Variants in TRPC1 observed in about 807,000 individuals in gnomAD.
TRPC1 encodes transient receptor potential cation channel subfamily C member 1.
Under a neutral mutation model 88.2 loss-of-function variants are expected in TRPC1, and 42 were observed. The observed-to-expected ratio is 0.48, with a 90% CI of 0.37 to 0.62. TRPC1 has a LOEUF of 0.62. Ranked by LOEUF, TRPC1 falls within the 20% of genes least tolerant of loss-of-function variation. The pLI, the probability that TRPC1 is intolerant of heterozygous loss-of-function variation, is 0.00. For synonymous variants in TRPC1, 288 were observed against 331.8 expected (o/e 0.87, Z 1.43); for missense variants, 699 against 957.3 (o/e 0.73, Z 3.56).
Position 142,724,380 on chromosome 3 carries a change from G to C in TRPC1, c.-180G>C. 2.0e-6 allele frequency: 1 copy of C among 489,614 alleles called. No homozygotes were observed. The highest frequency in any genetic ancestry group is 3.4e-6 in the Non-Finnish European group (1 of 292,388). The allele number at this position is 489,614 out of a possible 1,614,324, so 30.3% of individuals were successfully genotyped here. On this transcript the variant is annotated 5_prime_UTR_variant, in exon 1 of 13. Transcript: ENST00000476941. This position sits in a 1 kb window ranked among gnomAD's most constrained non-coding sequence, Gnocchi z 5.6. ...CACCAACTTGGGGCTGTCAGTGGAG[G>C]GCGAGTGCTGGTTCTCAGGGGAGGC...
chr3:142,760,064 G>A (rs956424248), intron 4 of TRPC1, among the ~76,000 whole-genome samples: 3 of 152,052 alleles, frequency 2.0e-5, no homozygotes, highest in African/African-American at 7.3e-5. Flanking sequence ...CTGACCTCAT[G>A]ATCCACCCAC....
intron 3 of TRPC1, 83 bp from the exon 4 acceptor site, chr3:142,748,175 A>G (rs982353364): frequency 1.6e-6 from 2 of 1,253,598 alleles, no homozygotes; most frequent in Non-Finnish European, 2.2e-6. Context: ...GTGCCTTCCT[A>G]TTTTTTCATT....
At chr3:142,735,852 TCC>T (rs1934114243) in intron 1 of TRPC1, among the ~76,000 whole-genome samples, 1 of 152,124 alleles carries the variant, frequency 6.6e-6, no homozygotes, top group Admixed American at 6.6e-5. Context: ...ACTATACATA[TCC>T]TTGAATATAT....
At chr3:142,797,172 G>A (rs1179995192) in intron 9 of TRPC1, among the ~76,000 whole-genome samples, 7 of 143,754 alleles carry the variant, frequency 4.9e-5, no homozygotes, top group Non-Finnish European at 9.2e-5. Context: ...TGGAAAAAAG[G>A]TTGTTTTTTT....
intron 1 of TRPC1, among the ~76,000 whole-genome samples, chr3:142,728,629 G>A (rs1933777666): frequency 6.6e-6 from 1 of 152,110 alleles, no homozygotes; most frequent in South Asian, 2.1e-4. Context: ...CCTGATGACT[G>A]ACTTTCTCCA....
chr3:142,794,483 T>C (rs1936395375), intron 9 of TRPC1, among the ~76,000 whole-genome samples: 1 of 152,068 alleles, frequency 6.6e-6, no homozygotes, highest in Non-Finnish European at 1.5e-5. Context: ...AAACAACAGC[T>C]TATAAGAAAC....
chr3:142,775,397 T>A (rs1935733687), intron 4 of TRPC1, among the ~76,000 whole-genome samples: 1 of 152,130 alleles, frequency 6.6e-6, no homozygotes, highest in East Asian at 1.9e-4. Context: ...GGTGGGTGGA[T>A]CACTTGAGCC....
At chr3:142,784,436 T>C (rs60294656) in intron 6 of TRPC1, among the ~76,000 whole-genome samples, 46,809 of 151,900 alleles carry the variant, frequency 0.31, 9,128 homozygotes, top group African/African-American at 0.57. Flanking sequence ...ATGGGGAAGT[T>C]GAGGCTTAGA....
intron 7 of TRPC1, among the ~76,000 whole-genome samples, chr3:142,786,525 T>G (rs1936138047): frequency 6.6e-6 from 1 of 152,164 alleles, no homozygotes; most frequent in South Asian, 2.1e-4. Context: ...AATAATTCCT[T>G]CTTGTTAATA....
intron 2 of TRPC1, among the ~76,000 whole-genome samples, chr3:142,740,442 T>C (rs1305721110): frequency 6.6e-6 from 1 of 152,206 alleles, no homozygotes; most frequent in Non-Finnish European, 1.5e-5. Context: ...GCTAAAGAGA[T>C]ACAGTAAGCT....
At chr3:142,736,636 CCTTTCTTTTT>C in intron 2 of TRPC1, 103 bp downstream of exon 2, 1 of 1,081,626 alleles carries the variant, frequency 9.2e-7, no homozygotes, top group Non-Finnish European at 1.3e-6. Flanking sequence ...TCCTCTTCTT[CCTTTCTTTTT>C]CTTTCTTTGT....
chr3:142,775,576 G>A (rs912112980), intron 4 of TRPC1, among the ~76,000 whole-genome samples: 3 of 152,014 alleles, frequency 2.0e-5, no homozygotes, highest in South Asian at 2.1e-4. Context: ...CAAAAGTTGC[G>A]CTGCTGCACT....
intron 6 of TRPC1, among the ~76,000 whole-genome samples, chr3:142,782,701 G>A (rs1400896188): frequency 6.6e-6 from 1 of 152,060 alleles, no homozygotes; most frequent in East Asian, 2.0e-4. Flanking sequence ...GGAACAGGGT[G>A]CTCAGATGGG....
chr3:142,747,717 T>C (rs7643289), intron 3 of TRPC1, among the ~76,000 whole-genome samples: 1,846 of 152,340 alleles, frequency 0.012, 50 homozygotes, highest in East Asian at 0.089. Flanking sequence ...TAGGAAGTAG[T>C]ATATGTAATG....
At chr3:142,804,746 T>C in intron 12 of TRPC1, 116 bp downstream of exon 12, 1 of 859,530 alleles carries the variant, frequency 1.2e-6, no homozygotes, top group East Asian at 2.7e-5. Context: ...CTGACTTTTT[T>C]TCACTGCTAT....
At position 142,804,011 on chromosome 3, in the gene TRPC1, A is replaced by G; in HGVS notation, c.1792A>G (p.Ile598Val). ...IGTCFALFWY[I>V]FSLAHVAIFV... is the part of the protein sequence containing the mutation. ...CACCTGCTTTGCTTTGTTCTGGTATATTTTCTCCTTAGCGCATGTGGCAAT... is the reference window on the plus strand; with the variant it reads ...CACCTGCTTTGCTTTGTTCTGGTATGTTTTCTCCTTAGCGCATGTGGCAAT... The change falls in exon 11 of 13, where the codon ATT (isoleucine) becomes GTT (valine). Residue 598 changes from isoleucine to valine, a missense_variant. By Grantham distance (29) the Ile-to-Val change is conservative (BLOSUM62 3). Transcript: ENST00000476941. 1 of 1,613,630 alleles carries G rather than the reference A, an allele frequency of 6.2e-7. No homozygotes were observed. The highest frequency in any genetic ancestry group is 8.5e-7 in the Non-Finnish European group (1 of 1,179,750).
At chr3:142,744,592 G>A (rs2108037899) in intron 3 of TRPC1, among the ~76,000 whole-genome samples, 1 of 152,142 alleles carries the variant, frequency 6.6e-6, no homozygotes, top group Non-Finnish European at 1.5e-5. Flanking sequence ...TTAGGAACAT[G>A]GAAAAATATA....
chr3:142,768,715 T>G (rs1172172810), intron 4 of TRPC1, among the ~76,000 whole-genome samples: 2 of 152,004 alleles, frequency 1.3e-5, no homozygotes, highest in Admixed American at 6.5e-5. Context: ...ACCTTTCTAT[T>G]TCCTCTGTGT....
chr3:142,795,350 A>C (rs182105498), intron 9 of TRPC1, among the ~76,000 whole-genome samples: 1 of 150,792 alleles, frequency 6.6e-6, no homozygotes, highest in Non-Finnish European at 1.5e-5. Context: ...ACCCACATCC[A>C]AGAAGTTCAA....
Sources: allele counts gnomAD v4.1 joint callset (sites outside exome capture counted in the v4.1 genomes callset), GRCh38; gene constraint gnomAD v4.1.1; non-coding constraint Gnocchi (gnomAD v3.1); transcripts MANE v1.5; gene names NCBI Gene and HGNC (gene_info 2026-07-23, HGNC 2026-07-21).